Variants in TEX15 observed in about 807,000 individuals in gnomAD.
TEX15 encodes testis expressed 15, meiosis and synapsis associated.
Under a neutral mutation model 237.3 loss-of-function variants are expected in TEX15, and 171 were observed. The ratio of observed to expected loss-of-function variants is 0.72; its 90% CI spans 0.64 to 0.82. The LOEUF (loss-of-function observed/expected upper bound fraction) is 0.82, where lower values mean the gene tolerates loss of function less well. Ranked by LOEUF, TEX15 falls within the 40% of genes least tolerant of loss-of-function variation. The pLI, the probability that TEX15 is intolerant of heterozygous loss-of-function variation, is 0.00. For synonymous variants in TEX15, 1,338 were observed against 1,269.8 expected (o/e 1.05, Z -1.14); for missense variants, 3,750 against 3,646.5 (o/e 1.03, Z -0.73).
chr8:30,881,950 G>C (rs979015643), intron 3 of TEX15, among the ~76,000 whole-genome samples: 3 of 152,172 alleles, frequency 2.0e-5, no homozygotes, highest in Non-Finnish European at 2.9e-5. Flanking sequence ...TTAAAGGTTG[G>C]AAGCTTAAGA....
intron 3 of TEX15, 68 bp downstream of exon 3, chr8:30,887,099 A>T (rs184596951): frequency 0.015 from 20,244 of 1,352,810 alleles, 195 homozygotes; most frequent in Non-Finnish European, 0.017. Context: ...TAAAAGATGA[A>T]CATAAACTAA....
intron 7 of TEX15, among the ~76,000 whole-genome samples, chr8:30,853,708 C>T (rs1222067173): frequency 1.3e-5 from 2 of 152,102 alleles, no homozygotes; most frequent in Non-Finnish European, 2.9e-5. Flanking sequence ...TGGAGGACTA[C>T]TGTATATTCT....
rs993342554 is a variant in TEX15 at position 30,854,371 on chromosome 8, G to A, written c.850+4297C>T. On this transcript the variant is annotated intron_variant, in intron 7 of 10. Coordinates refer to ENST00000643185, the MANE Select transcript of TEX15 (RefSeq NM_001350162.2). ...TATTAAAGGAATACTATAAGCAAAT[G>A]TATGCTAATAAATTACATAACTGAA... Among the ~76,000 whole-genome samples the A allele has an allele frequency of 2.7e-5, 4 of 150,700 alleles. No homozygotes were observed. In the East Asian group the frequency reaches 7.8e-4, roughly 29 times the overall value.
chr8:30,890,090 G>A (rs976100155), intron 2 of TEX15, among the ~76,000 whole-genome samples: 1 of 150,220 alleles, frequency 6.7e-6, no homozygotes, highest in African/African-American at 2.4e-5. Context: ...TAATGTACAC[G>A]GCAATACATA....
chr8:30,840,865 T>C (rs927846122), intron 8 of TEX15, among the ~76,000 whole-genome samples: 3 of 152,150 alleles, frequency 2.0e-5, no homozygotes, highest in African/African-American at 4.8e-5. Context: ...TCTCCATCCA[T>C]AGATTATTCT....
At chr8:30,888,094 CTTTT>C (rs1808701928) in intron 2 of TEX15, among the ~76,000 whole-genome samples, 3 of 149,556 alleles carry the variant, frequency 2.0e-5, no homozygotes, top group African/African-American at 7.3e-5. Context: ...TTCTTTCTTT[CTTTT>C]GAGACAGGGT....
At chr8:30,911,480 C>T (rs1212267912) in intron 1 of TEX15, among the ~76,000 whole-genome samples, 1 of 152,112 alleles carries the variant, frequency 6.6e-6, no homozygotes, top group African/African-American at 2.4e-5. Flanking sequence ...CTTCCTTCTC[C>T]ACCAACACAC....
intron 7 of TEX15, among the ~76,000 whole-genome samples, chr8:30,849,519 TCTC>T (rs963661843): frequency 1.9e-4 from 29 of 152,220 alleles, no homozygotes; most frequent in Admixed American, 1.2e-3. Context: ...AGCATGAAAT[TCTC>T]CTCGTCTAGA....
chr8:30,847,306 G>A lies in TEX15; in HGVS notation c.2861C>T (p.Thr954Ile). 1 of 1,613,916 alleles carries A rather than the reference G, an allele frequency of 6.2e-7. No individual in the cohort carries two copies. ...DTISAVKQKDTENTGRSVEHL... is the reference protein window; with the variant it reads ...DTISAVKQKDIENTGRSVEHL... Reference sequence around the variant, plus strand: ...CTCTACACTTCTTCCAGTATTTTCAGTATCTTTTTGTTTCACGGCACTAAT... The same window carrying A: ...CTCTACACTTCTTCCAGTATTTTCAATATCTTTTTGTTTCACGGCACTAAT... Residue 954 changes from threonine (T) to isoleucine (I), a missense_variant, in exon 8 of 11, where the codon ACT becomes ATT. Physicochemically the swap from Thr to Ile is moderately conservative, Grantham distance 89 (BLOSUM62 -1). Transcript: ENST00000643185.
intron 6 of TEX15, 125 bp from the exon 7 acceptor site, chr8:30,858,955 C>A (rs1206835064): frequency 1.6e-6 from 1 of 607,502 alleles, no homozygotes. Context: ...TCTCCAGCTG[C>A]CTTGTTTAAC....
chr8:30,884,601 G>A (rs73570257), intron 3 of TEX15, among the ~76,000 whole-genome samples: 1 of 152,090 alleles, frequency 6.6e-6, no homozygotes, highest in Admixed American at 6.5e-5. Flanking sequence ...ATTTCATCTA[G>A]GTCACCAAAT....
intron 2 of TEX15, among the ~76,000 whole-genome samples, chr8:30,898,270 AGAG>A (rs1459486989): frequency 1.1e-4 from 16 of 152,188 alleles, no homozygotes; most frequent in Non-Finnish European, 2.1e-4. Flanking sequence ...GATGGTATTA[AGAG>A]GTGAGGCCTT....
At chr8:30,888,642 G>A (rs1175244462) in intron 2 of TEX15, 26 of 1,289,586 alleles carry the variant, frequency 2.0e-5, no homozygotes, top group South Asian at 2.5e-5. Flanking sequence ...GTACCATTTC[G>A]TAACATGGTT....
At position 30,909,394 on chromosome 8, in the gene TEX15, A is replaced by ACCCCCCC. The variant is rs35046956; in HGVS notation, c.-86+3478_-86+3484dup. On this transcript the variant is annotated intron_variant, in intron 1 of 10. Transcript: ENST00000643185. The stretch of plus-strand genomic sequence containing the variant: ...TCTCAGCTGCTGTAATTAAAGACAG[A>ACCCCCCC]CCCCCCCCCGCCCCCACTCCCCCCT... Among the ~76,000 whole-genome samples, 532 of 118,392 alleles carry ACCCCCCC rather than the reference A, an allele frequency of 4.5e-3. 3 individuals carry two copies. Among genetic ancestry groups the ACCCCCCC allele is most frequent in the African/African-American group, 9.7e-3 (272 of 27,900 alleles). 77.7% of individuals were successfully genotyped at this position (118,392 alleles called of 152,430 possible).
intron 3 of TEX15, among the ~76,000 whole-genome samples, chr8:30,883,515 C>G (rs1351651799): frequency 2.0e-5 from 3 of 152,102 alleles, no homozygotes; most frequent in Non-Finnish European, 4.4e-5. Context: ...TGACCCCCAC[C>G]CTCCAACAGA....
chr8:30,846,879 CA>C lies in TEX15; in HGVS notation c.3287del (p.Leu1096ArgfsTer11). ...CEEFVTSYKA[L>X]KSRISWEGLL... is the part of the protein sequence containing the mutation. ...GACCTTCCCAACTGATACGAGACTTCAGAGCCTTATATGAGGTCACAAATTC... is the reference window on the plus strand; with the variant it reads ...GACCTTCCCAACTGATACGAGACTTCGAGCCTTATATGAGGTCACAAATTC... On this transcript the variant is annotated frameshift_variant, in exon 8 of 11. Transcript: ENST00000643185. LOFTEE classifies it high-confidence loss of function. 1 of 1,613,898 alleles carries C rather than the reference CA, an allele frequency of 6.2e-7. No individual in the cohort carries two copies.
In TEX15 at chr8:30,849,077, T is replaced by A; in HGVS notation, c.1090A>T (p.Ser364Cys). The change falls in exon 8 of 11, where the codon AGT becomes TGT. Residue 364 changes from serine (S) to cysteine (C), a missense_variant. Ser to Cys is a moderately radical substitution (Grantham distance 112). Coordinates refer to ENST00000643185, the MANE Select transcript of TEX15 (RefSeq NM_001350162.2). ...PETYSGQTEHSLAEIRDTSQV... is the reference protein window; with the variant it reads ...PETYSGQTEHCLAEIRDTSQV... ...GAAGTGTCTCTAATTTCTGCTAAACTGTGCTCTGTCTGTCCACTGTATGTT... is the reference window on the plus strand; with the variant it reads ...GAAGTGTCTCTAATTTCTGCTAAACAGTGCTCTGTCTGTCCACTGTATGTT... 3.7e-6 allele frequency: 6 copies of A among 1,613,760 alleles called. No homozygotes were observed. Among genetic ancestry groups the A allele is most frequent in the Non-Finnish European group, 5.1e-6 (6 of 1,179,898 alleles).
intron 4 of TEX15, among the ~76,000 whole-genome samples, chr8:30,868,604 G>A (rs1808225517): frequency 6.6e-6 from 1 of 151,958 alleles, no homozygotes; most frequent in African/African-American, 2.4e-5. Context: ...GACCACAAAA[G>A]CAAGACTGAC....
chr8:30,893,208 A>G (rs1388644247), intron 2 of TEX15, among the ~76,000 whole-genome samples: 8 of 152,168 alleles, frequency 5.3e-5, no homozygotes, highest in African/African-American at 1.9e-4. Context: ...AAGTGCAGGG[A>G]AGTTAAATAA....
Sources: allele counts gnomAD v4.1 joint callset (sites outside exome capture counted in the v4.1 genomes callset), GRCh38; gene constraint gnomAD v4.1.1; transcripts MANE v1.5; gene names NCBI Gene and HGNC (gene_info 2026-07-23, HGNC 2026-07-21).